INSYN2A: variants seen among roughly 807,000 people sequenced by gnomAD.
INSYN2A encodes the protein family with sequence similarity 196 member A.
Under a neutral mutation model 39.4 loss-of-function variants are expected in INSYN2A, and 17 were observed. That is an observed-to-expected ratio of 0.43 (90% CI 0.30 to 0.65). The LOEUF (loss-of-function observed/expected upper bound fraction) is 0.65. Ranked by LOEUF, INSYN2A falls within the 30% of genes least tolerant of loss-of-function variation. INSYN2A has a pLI of 0.14. For missense variants in INSYN2A, 595 were observed against 631.2 expected (o/e 0.94, Z 0.61); for synonymous variants, 255 against 265.7 (o/e 0.96, Z 0.39).
intron 2 of INSYN2A, among the ~76,000 whole-genome samples, chr10:127,182,881 C>T (rs569635059): frequency 6.6e-5 from 10 of 152,194 alleles, no homozygotes; most frequent in African/African-American, 2.2e-4. Flanking sequence ...CCCACTGACC[C>T]TGGAGGCTTC....
At position 127,175,899 on chromosome 10, in the gene INSYN2A, C is replaced by T. The variant is rs202008548; in HGVS notation, c.497G>A (p.Arg166Gln). 207 of 1,614,076 alleles carry T rather than the reference C, an allele frequency of 1.3e-4. No individual in the cohort carries two copies. Among genetic ancestry groups the T allele is most frequent in the Middle Eastern group, 1.6e-4 (1 of 6,084 alleles). The part of the protein sequence containing the change: ...MEEARPCGAG[R>Q]VHKTTALVFH... Reference sequence around the variant, plus strand: ...AACCAAGGCTGTGGTCTTGTGCACCCGCCCCGCGCCACATGGCCGGGCCTC... The same window carrying T: ...AACCAAGGCTGTGGTCTTGTGCACCTGCCCCGCGCCACATGGCCGGGCCTC... The change falls in exon 4 of 6, where the codon CGG becomes CAG. Residue 166 changes from arginine (R) to glutamine (Q), a missense_variant. Around this residue, in one of 2 missense-constraint regions of INSYN2A, gnomAD observed 478 missense variants for 467.4 expected, o/e 1.02. Transcript: ENST00000522781. The surrounding 1 kb of genome is among the most constrained non-coding windows in gnomAD (Gnocchi z 6.3).
At chr10:127,193,534 C>A (rs1255712691) in intron 1 of INSYN2A, among the ~76,000 whole-genome samples, 1 of 152,094 alleles carries the variant, frequency 6.6e-6, no homozygotes, top group Non-Finnish European at 1.5e-5. Context: ...TTCCAGAGTT[C>A]AGTAGTTGTC....
At chr10:127,174,568 C>A (rs2054898236) in intron 4 of INSYN2A, among the ~76,000 whole-genome samples, 1 of 152,160 alleles carries the variant, frequency 6.6e-6, no homozygotes, top group African/African-American at 2.4e-5. Context: ...CTTTCTGCAG[C>A]CCCACTGGAC....
chr10:127,150,994 C>A (rs958024379), intron 5 of INSYN2A, among the ~76,000 whole-genome samples: 1 of 152,172 alleles, frequency 6.6e-6, no homozygotes, highest in Non-Finnish European at 1.5e-5. Context: ...TCATGCGATT[C>A]AAATTAAAAT....
At chr10:127,186,120 G>A (rs986727371) in intron 2 of INSYN2A, among the ~76,000 whole-genome samples, 2 of 152,126 alleles carry the variant, frequency 1.3e-5, no homozygotes, top group Non-Finnish European at 2.9e-5. Flanking sequence ...GGCTTTCAGA[G>A]GGAAAAAAAC....
At position 127,196,043 on chromosome 10, in the gene INSYN2A, G is replaced by C. The variant is rs576342688; in HGVS notation, c.-441C>G. 2.0e-4 allele frequency: 31 copies of C among 152,214 alleles called. No homozygotes were observed. Among genetic ancestry groups the C allele is most frequent in the African/African-American group, 7.0e-4 (29 of 41,554 alleles). The allele number at this position is 152,214 out of a possible 1,614,324, so 9.4% of individuals were successfully genotyped here. On this transcript the variant is annotated 5_prime_UTR_variant, in exon 1 of 6. Transcript: ENST00000522781. ...TCGAGGTCGATGCAGCGCCTGGCTC[G>C]GGCATGTCTCGCTGCGGACCCTGGC...
intron 2 of INSYN2A, among the ~76,000 whole-genome samples, chr10:127,179,990 G>C (rs1023269): frequency 0.035 from 5,346 of 152,266 alleles, 122 homozygotes; most frequent in Non-Finnish European, 0.057. Context: ...ACACGATTTT[G>C]GGATTTTTTG....
intron 4 of INSYN2A, among the ~76,000 whole-genome samples, chr10:127,173,047 C>T (rs573516037): frequency 6.6e-6 from 1 of 152,276 alleles, no homozygotes; most frequent in African/African-American, 2.4e-5. Flanking sequence ...TGTGTGGCAG[C>T]CTGTGTGCCG....
intron 2 of INSYN2A, among the ~76,000 whole-genome samples, chr10:127,181,067 C>G (rs574484107): frequency 2.0e-5 from 3 of 152,200 alleles, no homozygotes; most frequent in South Asian, 2.1e-4. Flanking sequence ...AAGAAAAACC[C>G]AGAAATGATG....
intron 4 of INSYN2A, among the ~76,000 whole-genome samples, chr10:127,164,195 T>C (rs1328213315): frequency 3.1e-5 from 2 of 63,726 alleles, no homozygotes; most frequent in Admixed American, 3.8e-4. Context: ...TTTTTTTTTT[T>C]TTTTTTGAGA....
intron 4 of INSYN2A, among the ~76,000 whole-genome samples, chr10:127,157,772 G>T (rs1326438859): frequency 6.6e-6 from 1 of 152,172 alleles, no homozygotes; most frequent in Non-Finnish European, 1.5e-5. Flanking sequence ...TGAAGGTGAG[G>T]TTTTGTTTAA....
At chr10:127,187,595 G>A (rs1043032570) in intron 2 of INSYN2A, among the ~76,000 whole-genome samples, 9 of 152,128 alleles carry the variant, frequency 5.9e-5, no homozygotes, top group Admixed American at 4.6e-4. Flanking sequence ...AATCCAGGGG[G>A]TGGCTGTCCT....
Position 127,175,037 on chromosome 10 carries a change from C to T in INSYN2A, c.1184+175G>A, listed in dbSNP as rs1400086162. Among the ~76,000 whole-genome samples, 3 of 152,086 alleles carry T rather than the reference C, an allele frequency of 2.0e-5. No homozygotes were observed. The highest frequency in any genetic ancestry group is 1.9e-4 in the East Asian group (1 of 5,176). ...AAGCGTATCGTGCAGGATGCAGTGA[C>T]GTCTAGTATCATAAAATAATCTGCG... On this transcript the variant is annotated intron_variant, in intron 4 of 5. Transcript: ENST00000522781. The surrounding 1 kb of genome is among the most constrained non-coding windows in gnomAD (Gnocchi z 6.3).
intron 4 of INSYN2A, among the ~76,000 whole-genome samples, chr10:127,154,926 C>T (rs948334065): frequency 3.3e-5 from 5 of 152,188 alleles, no homozygotes; most frequent in Admixed American, 6.5e-5. Flanking sequence ...TGTTTCATGC[C>T]TTCACAGTTT....
At chr10:127,172,315 G>C (rs575616078) in intron 4 of INSYN2A, among the ~76,000 whole-genome samples, 1 of 152,216 alleles carries the variant, frequency 6.6e-6, no homozygotes, top group African/African-American at 2.4e-5. Flanking sequence ...TTACACCATG[G>C]AAATCAGCAG....
chr10:127,159,558 A>G (rs1002107175), intron 4 of INSYN2A, among the ~76,000 whole-genome samples: 2 of 152,182 alleles, frequency 1.3e-5, no homozygotes, highest in African/African-American at 2.4e-5. Flanking sequence ...AGTAGTGACA[A>G]TTCGGGGCAT....
rs909259141 is a variant in INSYN2A, at chr10:127,196,461, C to A, written c.-859G>T. Among the ~76,000 whole-genome samples, 1 of 148,474 alleles carries A rather than the reference C, an allele frequency of 6.7e-6. No homozygotes were observed. Among genetic ancestry groups the A allele is most frequent in the Non-Finnish European group, 1.5e-5 (1 of 66,654 alleles). ...GGCGGGGGCGGGGCAGAGGAGGGAG[C>A]AGGAGGGAAGTCCTTTCCGCTGCTC... On this transcript the variant is annotated 5_prime_UTR_variant, in exon 1 of 6. Coordinates refer to ENST00000522781, the MANE Select transcript of INSYN2A (RefSeq NM_001039762.3).
At chr10:127,145,070 A>G (rs2051670016) in intron 5 of INSYN2A, among the ~76,000 whole-genome samples, 1 of 152,202 alleles carries the variant, frequency 6.6e-6, no homozygotes, top group African/African-American at 2.4e-5. Context: ...CCGTGACCAT[A>G]CTGGAGAACT....
chr10:127,167,116 C>A (rs1298470089), intron 4 of INSYN2A, among the ~76,000 whole-genome samples: 1 of 151,852 alleles, frequency 6.6e-6, no homozygotes, highest in South Asian at 2.1e-4. Context: ...TTTTTAAGAA[C>A]TTAAAAGTAG....
Sources: allele counts gnomAD v4.1 joint callset (sites outside exome capture counted in the v4.1 genomes callset), GRCh38; gene constraint gnomAD v4.1.1; regional missense constraint gnomAD v4.1.1; non-coding constraint Gnocchi (gnomAD v3.1); transcripts MANE v1.5; gene names NCBI Gene and HGNC (gene_info 2026-07-23, HGNC 2026-07-21).